The following VWA8 variants were observed in gnomAD, a reference collection of about 807,000 sequenced individuals.
VWA8 encodes von Willebrand factor A domain containing 8.
In VWA8, 221 loss-of-function variants were observed where a neutral mutation model predicts 241.5. The ratio of observed to expected loss-of-function variants is 0.91; its 90% CI spans 0.82 to 1.02. The LOEUF (loss-of-function observed/expected upper bound fraction) is 1.02. Among genes scored for constraint, VWA8 ranks in the 50% least tolerant of loss-of-function variants. VWA8 has a pLI of 0.00. For missense variants in VWA8, 2,322 were observed against 2,328.7 expected (o/e 1.00, Z 0.06); for synonymous variants, 852 against 827.1 (o/e 1.03, Z -0.52).
At chr13:41,636,372 A>G (rs2044756753) in intron 37 of VWA8, among the ~76,000 whole-genome samples, 1 of 152,224 alleles carries the variant, frequency 6.6e-6, no homozygotes, top group South Asian at 2.1e-4. Flanking sequence ...CTGGCTAGCC[A>G]TATGTAGAAA....
intron 26 of VWA8, among the ~76,000 whole-genome samples, chr13:41,716,983 G>T (rs559939996): frequency 2.6e-4 from 39 of 151,792 alleles, no homozygotes; most frequent in African/African-American, 9.4e-4. Flanking sequence ...TACTTGGGGG[G>T]CAGGGGTGGA....
intron 21 of VWA8, among the ~76,000 whole-genome samples, chr13:41,746,315 G>C (rs893336798): frequency 6.6e-6 from 1 of 152,148 alleles, no homozygotes; most frequent in Non-Finnish European, 1.5e-5. Flanking sequence ...TGGTTCTCAA[G>C]CTCCTTAAGC....
intron 9 of VWA8, among the ~76,000 whole-genome samples, chr13:41,876,575 A>G (rs1873910353): frequency 6.6e-6 from 1 of 152,122 alleles, no homozygotes; most frequent in East Asian, 1.9e-4. Flanking sequence ...TATATTATAT[A>G]CTTATTTACT....
At chr13:41,754,923 A>T (rs2045683403) in intron 21 of VWA8, among the ~76,000 whole-genome samples, 1 of 152,110 alleles carries the variant, frequency 6.6e-6, no homozygotes, top group Non-Finnish European at 1.5e-5. Flanking sequence ...ATGTTTTTGC[A>T]AATGACAGGA....
intron 36 of VWA8, among the ~76,000 whole-genome samples, chr13:41,673,156 C>A (rs1205592760): frequency 1.3e-5 from 2 of 152,084 alleles, no homozygotes. Flanking sequence ...TAGAGTGAAG[C>A]CTAAATTTAT....
At chr13:41,730,686 T>C (rs1021635654) in intron 22 of VWA8, among the ~76,000 whole-genome samples, 10 of 151,974 alleles carry the variant, frequency 6.6e-5, no homozygotes, top group Admixed American at 6.6e-4. Flanking sequence ...TTTTGAGGGG[T>C]GGATAAAAGA....
At chr13:41,585,863 TAA>T (rs5803094) in intron 42 of VWA8, among the ~76,000 whole-genome samples, 29 of 102,624 alleles carry the variant, frequency 2.8e-4, no homozygotes, top group Middle Eastern at 5.5e-3. Flanking sequence ...GACACCGTCT[TAA>T]AAAAAAAAAA....
At chr13:41,573,482 A>ATATATATATATATATATATAT (rs1391223657) in intron 43 of VWA8, among the ~76,000 whole-genome samples, 2 of 114,632 alleles carry the variant, frequency 1.7e-5, no homozygotes, top group African/African-American at 7.8e-5. Context: ...TTTAAAAAAA[A>ATATATATATATATATATATAT]AAAAATATAT....
In VWA8 at chr13:41,886,842, C is replaced by A. The variant is rs1874566707; in HGVS notation, c.817-12G>T. On this transcript the variant is annotated splice_polypyrimidine_tract_variant and intron_variant, in intron 6 of 44. Transcript: ENST00000379310. The stretch of plus-strand genomic sequence containing the variant: ...AACTTAAGTTGGTCCTAAAGTAATA[C>A]AGAAACATATTAAATTAATTAACAA... The A allele has an allele frequency of 1.3e-6, 2 of 1,557,588 alleles. No homozygotes were observed. Among genetic ancestry groups the A allele is most frequent in the Admixed American group, 2.0e-5 (1 of 49,454 alleles).
chr13:41,816,759 T>C lies in VWA8; in HGVS notation c.1886A>G (p.Gln629Arg). The change falls in exon 16 of 45, where the codon CAG (glutamine) becomes CGG (arginine). Residue 629 changes from glutamine to arginine, a missense_variant. Physicochemically the swap from Gln to Arg is conservative, Grantham distance 43 (BLOSUM62 1). Coordinates refer to ENST00000379310, the MANE Select transcript of VWA8 (RefSeq NM_015058.2). ...VIKEKVPNVP[Q>R]EALDKLLSFT... ...TGATAATAACTTATCCAGAGCTTCC[T>C]GAGGTACATTTGGGACCTATTTTTT... 6.2e-7 allele frequency: 1 copy of C among 1,613,530 alleles called. No individual in the cohort carries two copies.
intron 20 of VWA8, among the ~76,000 whole-genome samples, chr13:41,767,839 T>A (rs1003228421): frequency 2.0e-5 from 3 of 152,232 alleles, no homozygotes; most frequent in Non-Finnish European, 2.9e-5. Flanking sequence ...GGTAGTGTGG[T>A]CAGCTATTAG....
chr13:41,926,114 G>T, intron 2 of VWA8: 1 of 551,308 alleles, frequency 1.8e-6, no homozygotes. Context: ...ATATTAGTAA[G>T]AAACTGCATC....
chr13:41,839,998 C>G (rs1419579815), intron 12 of VWA8, among the ~76,000 whole-genome samples: 1 of 152,150 alleles, frequency 6.6e-6, no homozygotes, highest in Non-Finnish European at 1.5e-5. Context: ...TTTTCCTATC[C>G]ATGAGCATGG....
intron 40 of VWA8, among the ~76,000 whole-genome samples, chr13:41,597,817 A>AC (rs1566381720): frequency 7.0e-6 from 1 of 143,856 alleles, no homozygotes; most frequent in Non-Finnish European, 1.6e-5. Flanking sequence ...GCAAGAGGCA[A>AC]CCCCACTCTT....
chr13:41,789,734 T>C (rs896318998), intron 17 of VWA8, among the ~76,000 whole-genome samples: 1 of 152,140 alleles, frequency 6.6e-6, no homozygotes, highest in Non-Finnish European at 1.5e-5. Flanking sequence ...GGGGTGTTAC[T>C]TGCAAGAGTG....
At chr13:41,930,653 A>G (rs1241328160) in intron 2 of VWA8, among the ~76,000 whole-genome samples, 1 of 152,176 alleles carries the variant, frequency 6.6e-6, no homozygotes, top group African/African-American at 2.4e-5. Context: ...TCAACACCCA[A>G]TTTACTAAGC....
chr13:41,851,454 A>ATCTCCCAGAAT (rs1383868631), intron 12 of VWA8, among the ~76,000 whole-genome samples: 1 of 152,222 alleles, frequency 6.6e-6, no homozygotes, highest in African/African-American at 2.4e-5. Flanking sequence ...CTTGAATTGT[A>ATCTCCCAGAAT]TCTCCCAGAA....
rs79949595 is a variant in VWA8, at chr13:41,618,106, C to T, written c.4612-3022G>A. The stretch of plus-strand genomic sequence containing the variant: ...TACAGTCCCACCAACAGTGTAAAAG[C>T]GTTCCTATTTCTCCACATCCTCTCC... On this transcript the variant is annotated intron_variant, in intron 37 of 44. Coordinates refer to ENST00000379310, the MANE Select transcript of VWA8 (RefSeq NM_015058.2). Among the ~76,000 whole-genome samples the T allele has an allele frequency of 2.0e-3, 300 of 151,886 alleles. 2 individuals are homozygous for T. Among genetic ancestry groups the T allele is most frequent in the African/African-American group, 5.8e-3 (241 of 41,454 alleles).
At chr13:41,846,738 A>C (rs1872306352) in intron 12 of VWA8, among the ~76,000 whole-genome samples, 1 of 152,216 alleles carries the variant, frequency 6.6e-6, no homozygotes, top group Non-Finnish European at 1.5e-5. Context: ...TCATTTAAAA[A>C]TAATCTAAAA....
Sources: allele counts gnomAD v4.1 joint callset (sites outside exome capture counted in the v4.1 genomes callset), GRCh38; gene constraint gnomAD v4.1.1; transcripts MANE v1.5; gene names NCBI Gene and HGNC (gene_info 2026-07-23, HGNC 2026-07-21).